The following AKT3 variants were observed in gnomAD, a reference collection of about 807,000 sequenced individuals.
AKT3 encodes RAC-gamma serine/threonine-protein kinase.
Under a neutral mutation model 65.3 loss-of-function variants are expected in AKT3, and 15 were observed. The observed-to-expected ratio is 0.23, with a 90% CI of 0.15 to 0.35. AKT3 has a LOEUF of 0.35. AKT3 is among the 10% of genes least tolerant of loss of function. The pLI, the probability that AKT3 is intolerant of heterozygous loss-of-function variation, is 1.00. For synonymous variants in AKT3, 206 were observed against 183.8 expected, an observed-to-expected ratio of 1.12 and a Z score of -0.98; for missense variants, 243 against 576.5, an observed-to-expected ratio of 0.42 and a Z score of 5.92.
chr1:243,808,610 G>A (rs1024473568), intron 2 of AKT3, among the ~76,000 whole-genome samples: 4 of 152,258 alleles, frequency 2.6e-5, no homozygotes, highest in Non-Finnish European at 5.9e-5. Context: ...CACTCTACAG[G>A]ATATTATCCA....
At chr1:243,497,929 G>A (rs998656326), downstream of AKT3, among the ~76,000 whole-genome samples, 1 of 152,112 alleles carries the variant, frequency 6.6e-6, no homozygotes, top group Non-Finnish European at 1.5e-5. Flanking sequence ...CGATCCTATT[G>A]CCCCAGCCTC....
At chr1:243,843,325 C>A (rs1463791455) in intron 1 of AKT3, 43 bp from the exon 2 acceptor site, 2 of 1,374,778 alleles carry the variant, frequency 1.5e-6, no homozygotes, top group Non-Finnish European at 1.9e-6. Flanking sequence ...TCCATTCTTG[C>A]AACTCACAGA....
chr1:243,765,367 T>C (rs1453743753), intron 2 of AKT3, among the ~76,000 whole-genome samples: 1 of 152,118 alleles, frequency 6.6e-6, no homozygotes, highest in Non-Finnish European at 1.5e-5. Context: ...CTATTACTGT[T>C]TGATTTTGAA....
intron 2 of AKT3, among the ~76,000 whole-genome samples, chr1:243,840,146 G>A (rs1250657025): frequency 6.6e-6 from 1 of 152,080 alleles, no homozygotes; most frequent in East Asian, 1.9e-4. Flanking sequence ...ATTCCAGCCT[G>A]GGTGACAGAA....
chr1:243,628,677 C>A (rs1679370302), intron 6 of AKT3, among the ~76,000 whole-genome samples: 1 of 152,198 alleles, frequency 6.6e-6, no homozygotes, highest in Non-Finnish European at 1.5e-5. Flanking sequence ...TCCTACTGTT[C>A]AAATGCTAGT....
intron 2 of AKT3, among the ~76,000 whole-genome samples, chr1:243,833,406 GC>G (rs1347178840): frequency 2.0e-5 from 3 of 152,066 alleles, no homozygotes; most frequent in African/African-American, 7.3e-5. Context: ...TCTTCACAGG[GC>G]GGCAGGAAGG....
intron 2 of AKT3, chr1:243,814,756 C>G (rs1237492665): frequency 6.6e-6 from 1 of 152,180 alleles, no homozygotes; most frequent in Non-Finnish European, 1.5e-5. Flanking sequence ...AAACTTAGCA[C>G]TTTAAAATAA....
chr1:243,534,600 G>A (rs950020795), intron 12 of AKT3, among the ~76,000 whole-genome samples: 7 of 152,004 alleles, frequency 4.6e-5, no homozygotes, highest in Non-Finnish European at 1.0e-4. Context: ...ACCATGTTCT[G>A]GGCCATAAAA....
chr1:243,723,371 T>C (rs1458023), intron 2 of AKT3, among the ~76,000 whole-genome samples: 41,897 of 152,008 alleles, frequency 0.28, 6,860 homozygotes, highest in African/African-American at 0.45. Context: ...CTAGTAGAGG[T>C]GAATATAGAA....
At chr1:243,639,657 G>C (rs1418750330) in intron 5 of AKT3, among the ~76,000 whole-genome samples, 1 of 152,114 alleles carries the variant, frequency 6.6e-6, no homozygotes, top group Non-Finnish European at 1.5e-5. Flanking sequence ...CTGAAAACGG[G>C]GGAAACTGTC....
At chr1:243,717,644 G>T (rs1021174723) in intron 2 of AKT3, among the ~76,000 whole-genome samples, 5 of 152,138 alleles carry the variant, frequency 3.3e-5, no homozygotes, top group African/African-American at 1.2e-4. Context: ...CCTGATTAAA[G>T]AATGAGACAC....
chr1:243,760,534 A>G (rs1275978769), intron 2 of AKT3, among the ~76,000 whole-genome samples: 2 of 152,044 alleles, frequency 1.3e-5, no homozygotes, highest in Admixed American at 1.3e-4. Flanking sequence ...CTCACCTAAA[A>G]TTATTTGTGA....
chr1:243,658,828 G>C (rs1158686825), intron 4 of AKT3, among the ~76,000 whole-genome samples: 2 of 120,232 alleles, frequency 1.7e-5, no homozygotes, highest in South Asian at 2.6e-4. Context: ...AGGAGTTCCA[G>C]ACAAGCCCTG....
rs1669245469 is a variant in AKT3, at chr1:243,501,024, C to T, written c.*4225G>A. 1 of 229,728 alleles carries T rather than the reference C, an allele frequency of 4.4e-6. No individual in the cohort carries two copies. 14.2% of individuals were successfully genotyped at this position (229,728 alleles called of 1,614,324 possible). A position where few individuals can be genotyped will look rare whatever the true frequency, so the allele number is the denominator to read the frequency against. On this transcript the variant is annotated 3_prime_UTR_variant, in exon 14 of 14. Coordinates refer to ENST00000673466, the MANE Select transcript of AKT3 (RefSeq NM_005465.7). ...ATAGAGGTCACTTTTTTTTAGCCTC[C>T]TGGATCTGTCAACCCCAGTGGTTTT...
intron 2 of AKT3, among the ~76,000 whole-genome samples, chr1:243,700,663 C>T (rs1685391401): frequency 6.6e-6 from 1 of 152,046 alleles, no homozygotes; most frequent in African/African-American, 2.4e-5. Context: ...ACCACCACAC[C>T]CACCCATTTT....
At chr1:243,825,793 C>T (rs1270305419) in intron 2 of AKT3, among the ~76,000 whole-genome samples, 1 of 152,118 alleles carries the variant, frequency 6.6e-6, no homozygotes, top group African/African-American at 2.4e-5. Context: ...AAACGTACCC[C>T]ATAATTCATT....
downstream of AKT3, among the ~76,000 whole-genome samples, chr1:243,495,186 G>C (rs972192063): frequency 3.9e-5 from 6 of 152,208 alleles, no homozygotes; most frequent in Non-Finnish European, 8.8e-5. Flanking sequence ...AGGTGGCACC[G>C]CAGAGCCAGG....
intron 10 of AKT3, among the ~76,000 whole-genome samples, chr1:243,554,315 T>G (rs74153913): frequency 0.01 from 1,541 of 152,276 alleles, 20 homozygotes; most frequent in African/African-American, 0.035. Context: ...GCTAAAAAAC[T>G]GAAAACTTCA....
intron 4 of AKT3, 28 bp from the exon 5 acceptor site, chr1:243,646,065 A>G: frequency 6.4e-7 from 1 of 1,552,946 alleles, no homozygotes; most frequent in Non-Finnish European, 8.7e-7. Context: ...ATTTCCCATT[A>G]ATAGAAGATG....
Sources: gnomAD v4.1 joint callset for allele counts (sites outside exome capture counted in the v4.1 genomes callset) on GRCh38, gnomAD v4.1.1 for gene constraint, MANE v1.5 for transcripts, NCBI Gene and HGNC (gene_info 2026-07-23, HGNC 2026-07-21) for gene names.